The following MUC5AC variants were observed in gnomAD, a reference collection of about 807,000 sequenced individuals.
MUC5AC encodes mucin 5AC, oligomeric mucus/gel-forming, also known as mucin-5AC.
MUC5AC carries 158 observed loss-of-function variants against 169.7 expected under a neutral mutation model. The observed-to-expected ratio is 0.93, with a 90% CI of 0.82 to 1.06. The LOEUF (loss-of-function observed/expected upper bound fraction) is 1.06, where lower values mean the gene tolerates loss of function less well. Ranked by LOEUF, MUC5AC falls within the 50% of genes least tolerant of loss-of-function variation. The probability of loss-of-function intolerance (pLI) is 0.00; values close to 1 mark genes in which losing one functional copy is unlikely to be tolerated. For synonymous variants in MUC5AC, 1,975 were observed against 1,237.0 expected, an observed-to-expected ratio of 1.60 and a Z score of -12.52; for missense variants, 4,359 against 3,089.9, an observed-to-expected ratio of 1.41 and a Z score of -9.74.
Position 1,158,004 on chromosome 11 carries a change from G to A in MUC5AC, c.5G>A (p.Ser2Asn), listed in dbSNP as rs776912374. Residue 2 changes from serine (S) to asparagine (N), a missense_variant, in exon 1 of 49, where the codon AGT (serine) becomes AAT (asparagine). By Grantham distance (46) the Ser-to-Asn change is conservative. Coordinates refer to ENST00000621226, the MANE Select transcript of MUC5AC (RefSeq NM_001304359.2). ...CTCTTCCCCGCCGTCCACACAATGA[G>A]TGTTGGCCGGAGGAAGCTGGCCCTG... M[S>N]VGRRKLALLW... 10 of 1,598,722 alleles carry A rather than the reference G, an allele frequency of 6.3e-6. No individual in the cohort carries two copies. The South Asian group carries it at 1.0e-4, about 16-fold the overall frequency.
At position 1,190,787 on chromosome 11, in the gene MUC5AC, A is replaced by G; in HGVS notation, c.12642A>G (p.Thr4214=). 5.6e-6 allele frequency: 4 copies of G among 715,890 alleles called. No individual in the cohort carries two copies. In the South Asian group the frequency reaches 5.8e-5, roughly 10 times the overall value. 44.3% of individuals were successfully genotyped at this position (715,890 alleles called of 1,614,324 possible). A position where few individuals can be genotyped will look rare whatever the true frequency, so the allele number is the denominator to read the frequency against. ...TPQTSKTSAA[T]SSTTSGSGTT... ...AGACCAGCAAAACCTCAGCTGCTAC[A>G]AGCAGCACAACCTCCGGTTCTGGAA... The change falls in exon 31 of 49, where the codon ACA becomes ACG. Residue 4214 remains threonine, a synonymous_variant. Transcript: ENST00000621226.
At position 1,176,193 on chromosome 11, in the gene MUC5AC, C is replaced by T. The variant is rs1363504532; in HGVS notation, c.2444C>T (p.Thr815Met). The change falls in exon 20 of 49, where the codon ACG (threonine) becomes ATG (methionine). Residue 815 changes from threonine to methionine, a missense_variant. By Grantham distance (81) the Thr-to-Met change is moderately conservative (BLOSUM62 -1). Transcript: ENST00000621226. Reference protein sequence around the residue: ...PMVFFDCRNATPGDTGAGCQK... With the variant: ...PMVFFDCRNAMPGDTGAGCQK... ...GTGTTCTTTGACTGCCGAAATGCCACGCCCGGGGACACAGGGGCTGGCTGT... is the reference window on the plus strand; with the variant it reads ...GTGTTCTTTGACTGCCGAAATGCCATGCCCGGGGACACAGGGGCTGGCTGT... The T allele has an allele frequency of 3.3e-5, 13 of 398,582 alleles. No individual in the cohort carries two copies. In the South Asian group the frequency reaches 5.1e-4, roughly 16 times the overall value. 24.7% of individuals were successfully genotyped at this position (398,582 alleles called of 1,614,324 possible). A position where few individuals can be genotyped will look rare whatever the true frequency, so the allele number is the denominator to read the frequency against.
At chr11:1,196,193 A>G (rs1861266391) in intron 37 of MUC5AC, 139 bp downstream of exon 37, 1 of 621,812 alleles carries the variant, frequency 1.6e-6, no homozygotes, top group Admixed American at 2.6e-5. Flanking sequence ...GAGTGCACCC[A>G]GTTCCCTGGA....
rs929661451 is a variant in MUC5AC, at chr11:1,180,415, G to T, written c.3675G>T (p.Val1225=). 1.3e-5 allele frequency: 5 copies of T among 398,650 alleles called. No individual in the cohort carries two copies. The Admixed American group carries it at 1.3e-4, about 11-fold the overall frequency. 24.7% of individuals were successfully genotyped at this position (398,650 alleles called of 1,614,324 possible). Reference sequence around the variant, plus strand: ...TTGATGAGGACAAGATGCAGTGTGTGGCCACCTGCCCAACCCCGCCTCTGC... The same window carrying T: ...TTGATGAGGACAAGATGCAGTGTGTTGCCACCTGCCCAACCCCGCCTCTGC... ...PIFDEDKMQC[V]ATCPTPPLPP... The change falls in exon 28 of 49, where the codon GTG becomes GTT. Residue 1225 remains valine, a synonymous_variant. Transcript: ENST00000621226.
rs1303697595 is a variant in MUC5AC at position 1,160,660 on chromosome 11, C to T, written c.122C>T (p.Ala41Val). 6.2e-7 allele frequency: 1 copy of T among 1,610,626 alleles called. No homozygotes were observed. The highest frequency in any genetic ancestry group is 8.5e-7 in the Non-Finnish European group (1 of 1,179,622). The change falls in exon 2 of 49, where the codon GCC (alanine) becomes GTC (valine). Residue 41 changes from alanine to valine, a missense_variant. Coordinates refer to ENST00000621226, the MANE Select transcript of MUC5AC (RefSeq NM_001304359.2). ...SSESSYKHHP[A>V]LSPIARGPSG... ...GAATCCAGCTACAAGCACCACCCTG[C>T]CCTCTCTCCTATCGCCCGGGGGCCC...
Position 1,172,445 on chromosome 11 carries a change from C to A in MUC5AC, c.1887C>A (p.His629Gln). ...TGTCCACAGAGAAGTATGCTCAGCACTGGTGCTCGCAGCTGACCGATGCCG... is the reference window on the plus strand; with the variant it reads ...TGTCCACAGAGAAGTATGCTCAGCAATGGTGCTCGCAGCTGACCGATGCCG... ...LSVENEKYAQ[H>Q]WCSQLTDADG... The change falls in exon 16 of 49, where the codon CAC becomes CAA. Residue 629 changes from histidine to glutamine, a missense_variant. Transcript: ENST00000621226. The A allele has an allele frequency of 2.5e-6, 1 of 398,724 alleles. No homozygotes were observed. Among genetic ancestry groups the A allele is most frequent in the Middle Eastern group, 6.3e-4 (1 of 1,588 alleles). The allele number at this position is 398,724 out of a possible 1,614,324, so 24.7% of individuals were successfully genotyped here. A position where few individuals can be genotyped will look rare whatever the true frequency, so the allele number is the denominator to read the frequency against.
Position 1,199,773 on chromosome 11 carries a change from C to T in MUC5AC, c.16585+9C>T. The T allele has an allele frequency of 1.4e-6, 1 of 716,014 alleles. No individual in the cohort carries two copies. Among genetic ancestry groups the T allele is most frequent in the Non-Finnish European group, 2.5e-6 (1 of 393,680 alleles). The allele number at this position is 716,014 out of a possible 1,614,324, so 44.4% of individuals were successfully genotyped here. On this transcript the variant is annotated intron_variant, in intron 47 of 48. Coordinates refer to ENST00000621226, the MANE Select transcript of MUC5AC (RefSeq NM_001304359.2). ...GCCCCCGTACCAGAACCGTGAGTACCCAGCCTGCTGGGCGGGGCGGGCTCC... is the reference window on the plus strand; with the variant it reads ...GCCCCCGTACCAGAACCGTGAGTACTCAGCCTGCTGGGCGGGGCGGGCTCC...
At position 1,201,099 on chromosome 11, in the gene MUC5AC, C is replaced by T. The variant is rs11347; in HGVS notation, c.*397C>T. The T allele has an allele frequency of 0.18, 33,531 of 185,444 alleles. 3,367 individuals are homozygous for T. The highest frequency in any genetic ancestry group is 0.2 in the Non-Finnish European group (18,059 of 90,104). 11.5% of individuals were successfully genotyped at this position (185,444 alleles called of 1,614,324 possible). Reference sequence around the variant, plus strand: ...AGCCTGCGCTCCCCTCCTCAGTACACGGCCAATCTGTTGCATAAATACACT... The same window carrying T: ...AGCCTGCGCTCCCCTCCTCAGTACATGGCCAATCTGTTGCATAAATACACT... On this transcript the variant is annotated 3_prime_UTR_variant, in exon 49 of 49. Coordinates refer to ENST00000621226, the MANE Select transcript of MUC5AC (RefSeq NM_001304359.2).
intron 24 of MUC5AC, among the ~76,000 whole-genome samples, chr11:1,178,016 T>G (rs900260563): frequency 6.6e-6 from 1 of 152,326 alleles, no homozygotes; most frequent in Admixed American, 6.5e-5. Context: ...CCGCCCCGTC[T>G]TCACGCAGCC....
chr11:1,163,207 C>G (rs1346540383), intron 6 of MUC5AC, among the ~76,000 whole-genome samples, 162 bp downstream of exon 6: 1 of 152,244 alleles, frequency 6.6e-6, no homozygotes, highest in African/African-American at 2.4e-5. Context: ...CACGCGATCC[C>G]GCAACGCCGG....
chr11:1,198,831 A>C, intron 43 of MUC5AC, 43 bp from the exon 44 acceptor site: 1 of 695,122 alleles, frequency 1.4e-6, no homozygotes, highest in Admixed American at 2.0e-5. Context: ...GGGTCTCCCC[A>C]GGGCCCAAGC....
At position 1,180,417 on chromosome 11, in the gene MUC5AC, C is replaced by A. The variant is rs1860788715; in HGVS notation, c.3677C>A (p.Ala1226Asp). Reference sequence around the variant, plus strand: ...GATGAGGACAAGATGCAGTGTGTGGCCACCTGCCCAACCCCGCCTCTGCCA... The same window carrying A: ...GATGAGGACAAGATGCAGTGTGTGGACACCTGCCCAACCCCGCCTCTGCCA... ...IFDEDKMQCV[A>D]TCPTPPLPPR... Residue 1226 changes from alanine (A) to aspartate (D), a missense_variant, in exon 28 of 49, where the codon GCC becomes GAC. By Grantham distance (126) the Ala-to-Asp change is moderately radical. Coordinates refer to ENST00000621226, the MANE Select transcript of MUC5AC (RefSeq NM_001304359.2). The A allele has an allele frequency of 2.5e-6, 1 of 398,668 alleles. No homozygotes were observed. The highest frequency in any genetic ancestry group is 4.4e-5 in the Admixed American group (1 of 22,728). The allele number at this position is 398,668 out of a possible 1,614,324, so 24.7% of individuals were successfully genotyped here.
chr11:1,173,789 C>T (rs921916995), intron 16 of MUC5AC, among the ~76,000 whole-genome samples: 4 of 141,000 alleles, frequency 2.8e-5, no homozygotes, highest in Non-Finnish European at 4.8e-5. Flanking sequence ...TCCACTCACT[C>T]GCTCATTCCC....
Position 1,185,713 on chromosome 11 carries a change from G to A in MUC5AC, c.7568G>A (p.Ser2523Asn), listed in dbSNP as rs1352795494. The change falls in exon 31 of 49, where the codon AGC (serine) becomes AAC (asparagine). Residue 2523 changes from serine (S) to asparagine (N), a missense_variant. Transcript: ENST00000621226. ...AGCACAACCTCTGCTTCTACAACCAGCACAACCTCTGGTGCTGGAACTACT... is the reference window on the plus strand; with the variant it reads ...AGCACAACCTCTGCTTCTACAACCAACACAACCTCTGGTGCTGGAACTACT... ...TTSTTSASTTSTTSGAGTTPS... is the reference protein window; with the variant it reads ...TTSTTSASTTNTTSGAGTTPS... 1.3e-6 allele frequency: 1 copy of A among 743,588 alleles called. No homozygotes were observed. Among genetic ancestry groups the A allele is most frequent in the South Asian group, 1.4e-5 (1 of 71,740 alleles). 46.1% of individuals were successfully genotyped at this position (743,588 alleles called of 1,614,324 possible).
At position 1,160,071 on chromosome 11, in the gene MUC5AC, G is replaced by A. The variant is rs550939124; in HGVS notation, c.74-541G>A. Among the ~76,000 whole-genome samples the A allele has an allele frequency of 1.7e-3, 260 of 152,096 alleles. 3 individuals are homozygous for A. The highest frequency in any genetic ancestry group is 2.3e-3 in the Non-Finnish European group (157 of 67,964). On this transcript the variant is annotated intron_variant, in intron 1 of 48. Transcript: ENST00000621226. ...GGTCCCACTATGCTGGCTCTGTGCA[G>A]GGCTGTGCGGGGCTGGGCCGGGCTG...
chr11:1,174,589 G>C lies in MUC5AC; in HGVS notation c.2059G>C (p.Val687Leu), dbSNP rs1043784986. ...CGTGCACGCCTGTGCCGCCAAGGGC[G>C]TGCAGCTCGGCGGCTGGAGGGACGG... ...SYVHACAAKG[V>L]QLGGWRDGVC... The change falls in exon 17 of 49, where the codon GTG becomes CTG. Residue 687 changes from valine (V) to leucine (L), a missense_variant. Transcript: ENST00000621226. The C allele has an allele frequency of 2.8e-6, 4 of 1,444,836 alleles. No homozygotes were observed. Among genetic ancestry groups the C allele is most frequent in the Non-Finnish European group, 3.8e-6 (4 of 1,059,492 alleles). 89.5% of individuals were successfully genotyped at this position (1,444,836 alleles called of 1,614,324 possible).
At position 1,186,283 on chromosome 11, in the gene MUC5AC, C is replaced by A; in HGVS notation, c.8138C>A (p.Thr2713Lys). Reference protein sequence around the residue: ...VPTTSTTSAPTTSTTSAPTTS... With the variant: ...VPTTSTTSAPKTSTTSAPTTS... ...ACCACCAGCACAACCTCTGCTCCCA[C>A]AACAAGCACAACCTCTGCCCCTACA... Residue 2713 changes from threonine to lysine, a missense_variant, in exon 31 of 49, where the codon ACA becomes AAA. By Grantham distance (78) the Thr-to-Lys change is moderately conservative. Transcript: ENST00000621226. The A allele has an allele frequency of 1.4e-6, 1 of 733,596 alleles. No homozygotes were observed. The highest frequency in any genetic ancestry group is 2.5e-6 in the Non-Finnish European group (1 of 402,314). The allele number at this position is 733,596 out of a possible 1,614,324, so 45.4% of individuals were successfully genotyped here. A position where few individuals can be genotyped will look rare whatever the true frequency, so the allele number is the denominator to read the frequency against.
chr11:1,171,350 CTCA>C, intron 15 of MUC5AC, among the ~76,000 whole-genome samples: 1 of 143,780 alleles, frequency 7.0e-6, no homozygotes, highest in Non-Finnish European at 1.5e-5. Flanking sequence ...CATTCACTCA[CTCA>C]CTCACCCACT....
At position 1,182,437 on chromosome 11, in the gene MUC5AC, C is replaced by G. The variant is rs898971113; in HGVS notation, c.4292C>G (p.Ala1431Gly). Reference sequence around the variant, plus strand: ...TCACCCAGGTCGGTGGAGTGCCGAGCTGAGGACGCCCCCGGAGTGCCGCTC... The same window carrying G: ...TCACCCAGGTCGGTGGAGTGCCGAGGTGAGGACGCCCCCGGAGTGCCGCTC... ...CESPRSVECR[A>G]EDAPGVPLRA... Residue 1431 changes from alanine to glycine, a missense_variant, in exon 31 of 49, where the codon GCT becomes GGT. Coordinates refer to ENST00000621226, the MANE Select transcript of MUC5AC (RefSeq NM_001304359.2). The G allele has an allele frequency of 2.5e-6, 1 of 398,574 alleles. No individual in the cohort carries two copies. The highest frequency in any genetic ancestry group is 2.1e-5 in the African/African-American group (1 of 48,634). The allele number at this position is 398,574 out of a possible 1,614,324, so 24.7% of individuals were successfully genotyped here.
Sources: gnomAD v4.1 joint callset for allele counts (sites outside exome capture counted in the v4.1 genomes callset) on GRCh38, gnomAD v4.1.1 for gene constraint, MANE v1.5 for transcripts, NCBI Gene and HGNC (gene_info 2026-07-23, HGNC 2026-07-21) for gene names.